Variants in LINGO2 observed in about 807,000 individuals in gnomAD.
LINGO2 encodes leucine rich repeat and Ig domain containing 2.
Under a neutral mutation model 30.6 loss-of-function variants are expected in LINGO2, and 14 were observed. The ratio of observed to expected loss-of-function variants is 0.46; its 90% CI spans 0.30 to 0.72. The LOEUF is 0.72. Among genes scored for constraint, LINGO2 ranks in the 30% least tolerant of loss-of-function variants. The pLI is 0.07. For missense variants in LINGO2, 729 were observed against 751.7 expected, an observed-to-expected ratio of 0.97 and a Z score of 0.35; for synonymous variants, 317 against 288.5, an observed-to-expected ratio of 1.10 and a Z score of -1.00.
the LINGO2 span, among the ~76,000 whole-genome samples, chr9:29,130,116 C>G: frequency 1.3e-5 from 2 of 152,074 alleles, no homozygotes; most frequent in Non-Finnish European, 2.9e-5. Context: ...AAAAGAAATT[C>G]TGTGTGTGAA....
At chr9:28,029,140 T>TA (rs1168697806) in intron 4 of LINGO2, among the ~76,000 whole-genome samples, 2 of 152,196 alleles carry the variant, frequency 1.3e-5, no homozygotes, top group African/African-American at 4.8e-5. Context: ...TGTTTTATGG[T>TA]ATTTAAATAT....
chr9:28,396,714 A>AAAAAAAAG (rs1311221613), intron 2 of LINGO2, among the ~76,000 whole-genome samples: 1 of 149,290 alleles, frequency 6.7e-6, no homozygotes, highest in East Asian at 2.0e-4. Flanking sequence ...AAAAAAAAAA[A>AAAAAAAAG]AAAAAAGTCC....
the LINGO2 span, among the ~76,000 whole-genome samples, chr9:28,879,731 G>C: frequency 1.3e-5 from 2 of 152,130 alleles, no homozygotes; most frequent in Admixed American, 6.6e-5. Flanking sequence ...AGAAATGGTT[G>C]ACTTTAACAT....
At chr9:28,639,657 G>GT (rs1284449374) in intron 1 of LINGO2, among the ~76,000 whole-genome samples, 1 of 151,854 alleles carries the variant, frequency 6.6e-6, no homozygotes, top group Non-Finnish European at 1.5e-5. Flanking sequence ...GCCTTCTTTT[G>GT]TTTTCCATTT....
chr9:28,779,476 C>T, the LINGO2 span, among the ~76,000 whole-genome samples: 1 of 152,100 alleles, frequency 6.6e-6, no homozygotes, highest in African/African-American at 2.4e-5. Context: ...GTGTTTTCCC[C>T]TGAGGAGTAT....
chr9:29,188,170 C>T, the LINGO2 span, among the ~76,000 whole-genome samples: 1 of 146,242 alleles, frequency 6.8e-6, no homozygotes, highest in Admixed American at 6.8e-5. Context: ...CTGCGGCCTT[C>T]CGCAGTGTTT....
intron 3 of LINGO2, among the ~76,000 whole-genome samples, chr9:28,323,779 C>T (rs183543013): frequency 5.8e-4 from 89 of 152,150 alleles, no homozygotes; most frequent in South Asian, 1.5e-3. Context: ...AAAAGGTAGA[C>T]GGCTAACATC....
At chr9:29,058,312 T>A in the LINGO2 span, among the ~76,000 whole-genome samples, 1 of 152,026 alleles carries the variant, frequency 6.6e-6, no homozygotes, top group Admixed American at 6.6e-5. Flanking sequence ...AGTAAAAACA[T>A]CACTGGCTGC....
At chr9:28,613,384 G>A (rs1826000338) in intron 1 of LINGO2, among the ~76,000 whole-genome samples, 1 of 147,326 alleles carries the variant, frequency 6.8e-6, no homozygotes, top group South Asian at 2.1e-4. Flanking sequence ...ATATACGTAT[G>A]TGTGTGTGTG....
At chr9:28,036,993 T>C (rs1930018) in intron 4 of LINGO2, among the ~76,000 whole-genome samples, 121,188 of 152,130 alleles carry the variant, frequency 0.8, 48,765 homozygotes, top group Admixed American at 0.86. Flanking sequence ...CTGCACTTAG[T>C]TACACATTAA....
At chr9:28,270,187 A>G (rs1030884638) in intron 4 of LINGO2, among the ~76,000 whole-genome samples, 2 of 152,034 alleles carry the variant, frequency 1.3e-5, no homozygotes, top group Non-Finnish European at 2.9e-5. Context: ...GTTGTTCTCA[A>G]TTATTGTCGG....
the LINGO2 span, among the ~76,000 whole-genome samples, chr9:28,952,158 G>A: frequency 6.6e-6 from 1 of 152,120 alleles, no homozygotes; most frequent in Non-Finnish European, 1.5e-5. Context: ...TAGACAGTCA[G>A]TGGTCACTTG....
chr9:28,526,933 T>C (rs1355109842), intron 1 of LINGO2, among the ~76,000 whole-genome samples: 1 of 152,242 alleles, frequency 6.6e-6, no homozygotes, highest in Non-Finnish European at 1.5e-5. Context: ...TATCAATATA[T>C]GTGTCCTTTA....
the LINGO2 span, among the ~76,000 whole-genome samples, chr9:28,915,271 T>C: frequency 6.6e-6 from 1 of 152,206 alleles, no homozygotes; most frequent in Non-Finnish European, 1.5e-5. Context: ...TATTATGAAA[T>C]CATCTGTTCA....
chr9:28,293,870 A>C (rs1353390841), intron 4 of LINGO2, among the ~76,000 whole-genome samples: 1 of 152,230 alleles, frequency 6.6e-6, no homozygotes, highest in Non-Finnish European at 1.5e-5. Flanking sequence ...AATGCTATGA[A>C]GCATAGAACT....
chr9:28,793,879 A>G, the LINGO2 span, among the ~76,000 whole-genome samples: 16 of 152,250 alleles, frequency 1.1e-4, no homozygotes, highest in Middle Eastern at 3.4e-3. Flanking sequence ...AAAGTTTAAG[A>G]TGCACTGCTC....
chr9:28,766,030 C>G, the LINGO2 span, among the ~76,000 whole-genome samples: 3 of 151,948 alleles, frequency 2.0e-5, no homozygotes, highest in Non-Finnish European at 4.4e-5. Context: ...TGACATAGAC[C>G]TTGGCAGTGA....
At chr9:28,031,771 G>GA (rs1563927639) in intron 4 of LINGO2, among the ~76,000 whole-genome samples, 1 of 152,208 alleles carries the variant, frequency 6.6e-6, no homozygotes, top group Non-Finnish European at 1.5e-5. Context: ...CTGTATGGCA[G>GA]CAAGCTGTCC....
intron 1 of LINGO2, among the ~76,000 whole-genome samples, chr9:28,568,356 G>GA (rs1318658415): frequency 6.6e-6 from 1 of 151,920 alleles, no homozygotes; most frequent in Non-Finnish European, 1.5e-5. Flanking sequence ...GAGAGGATGA[G>GA]AAAAAACAAC....
Sources: gnomAD v4.1 joint callset for allele counts (sites outside exome capture counted in the v4.1 genomes callset) on GRCh38, gnomAD v4.1.1 for gene constraint, MANE v1.5 for transcripts, NCBI Gene and HGNC (gene_info 2026-07-23, HGNC 2026-07-21) for gene names.